Variants in WDFY1 observed in about 807,000 individuals in gnomAD.
The protein encoded by WDFY1 is WD repeat and FYVE domain containing 1, also known as WD repeat and FYVE domain-containing protein 1.
In WDFY1, 32 loss-of-function variants were observed where a neutral mutation model predicts 56.4. The ratio of observed to expected loss-of-function variants is 0.57; its 90% CI spans 0.43 to 0.76. WDFY1 has a LOEUF of 0.76. WDFY1 is among the 30% of genes least tolerant of loss of function. WDFY1 has a pLI of 0.00. For missense variants in WDFY1, 480 were observed against 545.7 expected (o/e 0.88, Z 1.20); for synonymous variants, 192 against 197.3 (o/e 0.97, Z 0.23).
intron 6 of WDFY1, among the ~76,000 whole-genome samples, chr2:223,897,234 C>CAA (rs1311278080): frequency 6.6e-6 from 1 of 151,582 alleles, no homozygotes. Context: ...CAGATGGCCT[C>CAA]AAAGCTTGTA....
chr2:223,923,179 C>T (rs1693916107), intron 1 of WDFY1, among the ~76,000 whole-genome samples: 1 of 152,144 alleles, frequency 6.6e-6, no homozygotes, highest in Non-Finnish European at 1.5e-5. Flanking sequence ...CAAACCAGAC[C>T]CTTCCTCTTC....
chr2:223,894,680 G>A (rs931986084), intron 7 of WDFY1, among the ~76,000 whole-genome samples: 4 of 152,134 alleles, frequency 2.6e-5, no homozygotes, highest in Non-Finnish European at 5.9e-5. Context: ...AAGAACGAAG[G>A]AGGTATAACT....
chr2:223,886,729 T>TAA (rs34317110), intron 8 of WDFY1, among the ~76,000 whole-genome samples: 6,617 of 95,552 alleles, frequency 0.069, 976 homozygotes, highest in African/African-American at 0.24. Context: ...AAACTCCGTC[T>TAA]AAAAAAAAAA....
chr2:223,876,948 T>G lies in WDFY1; in HGVS notation c.*1723A>C, dbSNP rs1341713876. The G allele has an allele frequency of 6.6e-6, 1 of 152,216 alleles. No homozygotes were observed. The highest frequency in any genetic ancestry group is 1.5e-5 in the Non-Finnish European group (1 of 68,028). The allele number at this position is 152,216 out of a possible 1,614,324, so 9.4% of individuals were successfully genotyped here. ...TTGAACAAAACTTACCACTACTCAA[T>G]TTTTCTTCCAAACTATGTTAGTAAT... On this transcript the variant is annotated 3_prime_UTR_variant, in exon 12 of 12. Coordinates refer to ENST00000233055, the MANE Select transcript of WDFY1 (RefSeq NM_020830.5).
rs1559166484 is a variant in WDFY1 at position 223,899,076 on chromosome 2, G to A, written c.486-6C>T. ...ACTGAGTGTCAAAGTCATATCTGAG[G>A]AGAAGCAGTCAAGGATGTAGAACAG... On this transcript the variant is annotated splice_polypyrimidine_tract_variant and splice_region_variant and intron_variant, in intron 5 of 11. Transcript: ENST00000233055. The A allele has an allele frequency of 1.9e-6, 3 of 1,611,654 alleles. No individual in the cohort carries two copies. Among genetic ancestry groups the A allele is most frequent in the East Asian group, 2.2e-5 (1 of 44,846 alleles).
At chr2:223,918,914 T>G (rs1427930235) in intron 1 of WDFY1, among the ~76,000 whole-genome samples, 2 of 152,124 alleles carry the variant, frequency 1.3e-5, no homozygotes, top group Non-Finnish European at 2.9e-5. Context: ...TCTGGGGCCC[T>G]CTTTCATCGG....
chr2:223,931,359 A>T (rs1424876793), intron 1 of WDFY1, among the ~76,000 whole-genome samples: 2 of 152,254 alleles, frequency 1.3e-5, no homozygotes, highest in African/African-American at 4.8e-5. Flanking sequence ...TAGTAGATAT[A>T]TGAAAAGTGG....
Position 223,932,469 on chromosome 2 carries a change from G to C in WDFY1, c.137+12679C>G, listed in dbSNP as rs1042634755. Among the ~76,000 whole-genome samples, 4 of 152,186 alleles carry C rather than the reference G, an allele frequency of 2.6e-5. No individual in the cohort carries two copies. In the East Asian group the frequency reaches 7.7e-4, roughly 29 times the overall value. On this transcript the variant is annotated intron_variant, in intron 1 of 11. Transcript: ENST00000233055. ...AGACTTTAATAAGCAGACTCAACTA[G>C]CACATAATTATTTCTACAAAATCAC...
intron 6 of WDFY1, among the ~76,000 whole-genome samples, chr2:223,896,598 C>T (rs767568024): frequency 3.9e-5 from 6 of 152,256 alleles, no homozygotes; most frequent in Non-Finnish European, 7.4e-5. Context: ...CCTTGTTCAT[C>T]GACTGCTGTT....
At chr2:223,914,429 TA>T (rs1481187133) in intron 2 of WDFY1, among the ~76,000 whole-genome samples, 1 of 152,194 alleles carries the variant, frequency 6.6e-6, no homozygotes, top group Non-Finnish European at 1.5e-5. Context: ...CTTTGGAACA[TA>T]AACCCTTTCA....
intron 1 of WDFY1, among the ~76,000 whole-genome samples, chr2:223,927,544 G>A (rs1694004842): frequency 6.6e-6 from 1 of 152,208 alleles, no homozygotes; most frequent in African/African-American, 2.4e-5. Context: ...TTAAGGCCTT[G>A]CTCTGGATGA....
chr2:223,896,889 A>G lies in WDFY1; in HGVS notation c.599-1259T>C, dbSNP rs142106112. Among the ~76,000 whole-genome samples, 567 of 152,210 alleles carry G rather than the reference A, an allele frequency of 3.7e-3. 2 individuals carry two copies. Among genetic ancestry groups the G allele is most frequent in the Non-Finnish European group, 5.4e-3 (366 of 68,010 alleles). ...ATAAATACGGTCTTTCAGCATGAAA[A>G]CCAGTACCCATTCTGGTAGTTACTA... On this transcript the variant is annotated intron_variant, in intron 6 of 11. Coordinates refer to ENST00000233055, the MANE Select transcript of WDFY1 (RefSeq NM_020830.5).
At chr2:223,912,636 T>G (rs1484540824) in intron 2 of WDFY1, among the ~76,000 whole-genome samples, 2 of 152,174 alleles carry the variant, frequency 1.3e-5, no homozygotes, top group Non-Finnish European at 2.9e-5. Flanking sequence ...GTGCTTGTAG[T>G]GTGTGACCTG....
chr2:223,919,901 A>G (rs553708269), intron 1 of WDFY1, among the ~76,000 whole-genome samples: 3 of 152,290 alleles, frequency 2.0e-5, no homozygotes, highest in South Asian at 2.1e-4. Flanking sequence ...CACCCTGACC[A>G]TAGCACTTCC....
intron 1 of WDFY1, among the ~76,000 whole-genome samples, chr2:223,931,793 C>T (rs1694079626): frequency 6.6e-6 from 1 of 151,030 alleles, no homozygotes; most frequent in Admixed American, 6.6e-5. Context: ...TCAAGCAATT[C>T]TCTTGCCTCA....
intron 1 of WDFY1, among the ~76,000 whole-genome samples, chr2:223,932,107 G>T (rs2106101090): frequency 1.4e-5 from 2 of 142,762 alleles, no homozygotes; most frequent in African/African-American, 5.1e-5. Flanking sequence ...TGTATTACCA[G>T]TATGAGTACC....
Position 223,875,586 on chromosome 2 carries a change from T to G in WDFY1, c.*3085A>C, listed in dbSNP as rs1410120937. The G allele has an allele frequency of 6.6e-6, 1 of 152,210 alleles. No homozygotes were observed. Among genetic ancestry groups the G allele is most frequent in the Non-Finnish European group, 1.5e-5 (1 of 68,030 alleles). 9.4% of individuals were successfully genotyped at this position (152,210 alleles called of 1,614,324 possible). ...CTTTAAATTGTACTCTAATACAAAT[T>G]TGTTGCACAATTAAACTTCAACTTA... On this transcript the variant is annotated 3_prime_UTR_variant, in exon 12 of 12. Coordinates refer to ENST00000233055, the MANE Select transcript of WDFY1 (RefSeq NM_020830.5).
intron 1 of WDFY1, among the ~76,000 whole-genome samples, chr2:223,925,818 T>G (rs1311546913): frequency 6.6e-6 from 1 of 152,242 alleles, no homozygotes; most frequent in East Asian, 1.9e-4. Flanking sequence ...AAGAAACCAC[T>G]TTCTTTGCTC....
chr2:223,897,351 C>CAT lies in WDFY1; in HGVS notation c.598+1605_598+1606dup, dbSNP rs1194128689. Among the ~76,000 whole-genome samples, 238 of 53,664 alleles carry CAT rather than the reference C, an allele frequency of 4.4e-3. No individual in the cohort carries two copies. In the East Asian group the frequency reaches 0.052, roughly 12 times the overall value. 35.2% of individuals were successfully genotyped at this position (53,664 alleles called of 152,430 possible). On this transcript the variant is annotated intron_variant, in intron 6 of 11. Transcript: ENST00000233055. ...AGACATGTGTCCCCTCTAAATTTCG[C>CAT]ATATATATATATATATATATATATA...
Sources: allele counts gnomAD v4.1 joint callset (sites outside exome capture counted in the v4.1 genomes callset), GRCh38; gene constraint gnomAD v4.1.1; transcripts MANE v1.5; gene names NCBI Gene and HGNC (gene_info 2026-07-23, HGNC 2026-07-21).